The following UGCG variants were observed in gnomAD, a reference collection of about 807,000 sequenced individuals.
UGCG encodes UDP-glucose ceramide glucosyltransferase, also known as ceramide glucosyltransferase.
In UGCG, 10 loss-of-function variants were observed where a neutral mutation model predicts 49.5. That is an observed-to-expected ratio of 0.20 (90% confidence interval 0.12 to 0.34). The LOEUF (loss-of-function observed/expected upper bound fraction) is 0.34, where lower values mean the gene tolerates loss of function less well. UGCG is among the 10% of genes least tolerant of loss of function. The pLI, the probability that UGCG is intolerant of heterozygous loss-of-function variation, is 1.00. For missense variants in UGCG, 312 were observed against 483.7 expected, an observed-to-expected ratio of 0.65 and a Z score of 3.33; for synonymous variants, 182 against 158.2, an observed-to-expected ratio of 1.15 and a Z score of -1.13.
intron 2 of UGCG, chr9:111,914,952 A>G (rs1043085769): frequency 2.6e-5 from 15 of 575,674 alleles, no homozygotes; most frequent in South Asian, 2.5e-4. Context: ...CTAACCACCT[A>G]TATGTCCGTG....
At chr9:111,922,599 C>G (rs1422587687) in intron 2 of UGCG, among the ~76,000 whole-genome samples, 1 of 152,208 alleles carries the variant, frequency 6.6e-6, no homozygotes, top group Non-Finnish European at 1.5e-5. Flanking sequence ...AATGGCAAGA[C>G]TGCAGTTGTG....
intron 2 of UGCG, among the ~76,000 whole-genome samples, chr9:111,916,182 A>G (rs1439616587): frequency 1.3e-5 from 2 of 152,368 alleles, no homozygotes; most frequent in Non-Finnish European, 2.9e-5. Flanking sequence ...GAGATTTTCA[A>G]GCTCCATAAA....
At chr9:111,929,845 G>GTC (rs1165696989) in intron 6 of UGCG, among the ~76,000 whole-genome samples, 167 bp downstream of exon 6, 1 of 152,124 alleles carries the variant, frequency 6.6e-6, no homozygotes, top group African/African-American at 2.4e-5. Context: ...TTGAGACAGA[G>GTC]TCTTGCTCTG....
intron 7 of UGCG, 141 bp from the exon 8 acceptor site, chr9:111,932,023 TAAAAAA>T (rs10708488): frequency 5.7e-5 from 42 of 738,272 alleles, no homozygotes; most frequent in Non-Finnish European, 7.4e-5. Flanking sequence ...CCGTCTCAAG[TAAAAAA>T]AAAAAAACAA....
At chr9:111,900,871 T>G (rs958236982) in intron 1 of UGCG, among the ~76,000 whole-genome samples, 3 of 152,124 alleles carry the variant, frequency 2.0e-5, no homozygotes, top group African/African-American at 7.2e-5. Context: ...TTTATTGTTA[T>G]TTTTTTGAGA....
At chr9:111,911,428 T>C (rs1206887673) in intron 1 of UGCG, among the ~76,000 whole-genome samples, 1 of 152,150 alleles carries the variant, frequency 6.6e-6, no homozygotes, top group Non-Finnish European at 1.5e-5. Flanking sequence ...ATATATACCA[T>C]AAATGTGTGT....
At chr9:111,916,047 T>A (rs1838104398) in intron 2 of UGCG, among the ~76,000 whole-genome samples, 1 of 152,118 alleles carries the variant, frequency 6.6e-6, no homozygotes. Flanking sequence ...ATATAATTTT[T>A]AAATAAGATA....
chr9:111,929,449 A>G (rs368701490), intron 5 of UGCG, 51 bp from the exon 6 acceptor site: 2 of 1,562,608 alleles, frequency 1.3e-6, no homozygotes, highest in Non-Finnish European at 1.7e-6. Flanking sequence ...CGTGAACACC[A>G]TGCTTTTAAC....
intron 1 of UGCG, among the ~76,000 whole-genome samples, chr9:111,908,919 T>C (rs1330682200): frequency 1.3e-5 from 2 of 152,214 alleles, no homozygotes; most frequent in East Asian, 3.8e-4. Flanking sequence ...CACTAGGCAA[T>C]TGATCACAGT....
intron 3 of UGCG, among the ~76,000 whole-genome samples, chr9:111,924,535 G>T (rs1011755507): frequency 1.3e-5 from 2 of 152,004 alleles, no homozygotes; most frequent in African/African-American, 4.8e-5. Context: ...CTAAGGCAAG[G>T]ACTTAAGAAT....
At position 111,934,078 on chromosome 9, in the gene UGCG, A is replaced by C. The variant is rs1838472608; in HGVS notation, c.*1081A>C. 1 of 151,848 alleles carries C rather than the reference A, an allele frequency of 6.6e-6. No individual in the cohort carries two copies. The highest frequency in any genetic ancestry group is 6.6e-5 in the Admixed American group (1 of 15,246). The allele number at this position is 151,848 out of a possible 1,614,324, so 9.4% of individuals were successfully genotyped here. A position where few individuals can be genotyped will look rare whatever the true frequency, so the allele number is the denominator to read the frequency against. ...CAGTAGAGTATTAAGAGGGGACAGGATGAGTTTACTCTTAAAATTAATCAG... is the reference window on the plus strand; with the variant it reads ...CAGTAGAGTATTAAGAGGGGACAGGCTGAGTTTACTCTTAAAATTAATCAG... On this transcript the variant is annotated 3_prime_UTR_variant, in exon 9 of 9. Transcript: ENST00000374279.
At chr9:111,923,225 G>A (rs1028212040) in intron 3 of UGCG, among the ~76,000 whole-genome samples, 9 of 151,778 alleles carry the variant, frequency 5.9e-5, no homozygotes, top group Admixed American at 4.6e-4. Context: ...TATTTTAAAT[G>A]TGTGGCCTTT....
At position 111,906,546 on chromosome 9, in the gene UGCG, C is replaced by T. The variant is rs565532253; in HGVS notation, c.99-8059C>T. 5.3e-5 allele frequency among the ~76,000 whole-genome samples: 8 copies of T among 152,300 alleles called. No homozygotes were observed. The East Asian group carries it at 1.5e-3, about 29-fold the overall frequency. On this transcript the variant is annotated intron_variant, in intron 1 of 8. Transcript: ENST00000374279. ...CTGGGTTCAAGTGATTCTCCTGCCT[C>T]AGCCTCCCGACTAGCTGGGATTACA...
At chr9:111,925,578 C>T (rs930149549) in intron 4 of UGCG, among the ~76,000 whole-genome samples, 7 of 152,196 alleles carry the variant, frequency 4.6e-5, no homozygotes, top group African/African-American at 1.4e-4. Context: ...TGCCGGATGT[C>T]CCCTGTGGGG....
intron 3 of UGCG, 55 bp downstream of exon 3, chr9:111,923,006 A>G: frequency 8.6e-7 from 1 of 1,163,462 alleles, no homozygotes; most frequent in Admixed American, 1.8e-5. Context: ...AAGTATCAGT[A>G]ATCTCTGCAT....
chr9:111,928,468 A>T (rs957488643), intron 5 of UGCG, among the ~76,000 whole-genome samples: 5 of 152,178 alleles, frequency 3.3e-5, no homozygotes, highest in Non-Finnish European at 5.9e-5. Context: ...TCTGGAAGTC[A>T]CTCTGCCATA....
At chr9:111,931,522 G>A (rs1838424109) in intron 7 of UGCG, among the ~76,000 whole-genome samples, 165 bp downstream of exon 7, 1 of 152,140 alleles carries the variant, frequency 6.6e-6, no homozygotes. Context: ...TAAATTTAAT[G>A]TCTAAATGTA....
intron 4 of UGCG, 63 bp downstream of exon 4, chr9:111,924,941 A>G (rs1412263981): frequency 1.0e-5 from 10 of 977,896 alleles, no homozygotes; most frequent in East Asian, 3.5e-5. Context: ...GCTAAAAGCA[A>G]TCTCAGATAC....
chr9:111,898,339 T>A (rs1837704958), intron 1 of UGCG, among the ~76,000 whole-genome samples: 1 of 152,018 alleles, frequency 6.6e-6, no homozygotes. Context: ...TGAACTAGAA[T>A]AGAGTGTATG....
Sources: gnomAD v4.1 joint callset for allele counts (sites outside exome capture counted in the v4.1 genomes callset) on GRCh38, gnomAD v4.1.1 for gene constraint, MANE v1.5 for transcripts, NCBI Gene and HGNC (gene_info 2026-07-23, HGNC 2026-07-21) for gene names.